The following SOWAHB variants were observed in gnomAD, a reference collection of about 807,000 sequenced individuals.
SOWAHB encodes ankyrin repeat domain-containing protein SOWAHB.
Under a neutral mutation model 18.3 loss-of-function variants are expected in SOWAHB, and 17 were observed. The ratio of observed to expected loss-of-function variants is 0.93; its 90% CI spans 0.64 to 1.40. The LOEUF (loss-of-function observed/expected upper bound fraction) is 1.40. Among genes scored for constraint, SOWAHB ranks in the 40% most tolerant of loss-of-function variants. The pLI is 0.00. For missense variants in SOWAHB, 1,126 were observed against 1,033.7 expected (o/e 1.09, Z -1.22); for synonymous variants, 496 against 448.1 (o/e 1.11, Z -1.35).
Position 76,895,512 on chromosome 4 carries a change from C to T in SOWAHB, c.2338G>A (p.Glu780Lys), listed in dbSNP as rs761250663. 6.2e-7 allele frequency: 1 copy of T among 1,613,372 alleles called. No individual in the cohort carries two copies. Among genetic ancestry groups the T allele is most frequent in the Admixed American group, 1.7e-5 (1 of 59,958 alleles). The change falls in exon 1 of 1, where the codon GAG (glutamate) becomes AAG (lysine). Residue 780 changes from glutamate (E) to lysine (K), a missense_variant. By Grantham distance (56) the Glu-to-Lys change is moderately conservative. Coordinates refer to ENST00000334306, the MANE Select transcript of SOWAHB (RefSeq NM_001029870.3). The part of the protein sequence containing the change: ...HNKWKLANQY[E>K]KFHSPREREE... ...CTTTCCCTTGGACTGTGGAATTTCT[C>T]ATACTGGTTGGCCAGTTTCCACTTG... is the stretch of plus-strand genomic sequence containing the variant.
In SOWAHB at chr4:76,895,665, TG is replaced by T. The variant is rs756151996; in HGVS notation, c.2184del (p.Lys729SerfsTer9). Reference sequence around the variant, plus strand: ...AAGGGATAGACAGGGAAAATGGGCTTGCCCCGAGGAGCTCCCAACAGCTGCC... The same window carrying T: ...AAGGGATAGACAGGGAAAATGGGCTTCCCCGAGGAGCTCCCAACAGCTGCC... ...EIWQLLGAPR[G>X]KPIFPVYPLV... On this transcript the variant is annotated frameshift_variant, in exon 1 of 1. Transcript: ENST00000334306. LOFTEE classifies it high-confidence loss of function. 1.2e-6 allele frequency: 2 copies of T among 1,614,170 alleles called. No homozygotes were observed. The highest frequency in any genetic ancestry group is 1.7e-6 in the Non-Finnish European group (2 of 1,180,022).
At position 76,896,896 on chromosome 4, in the gene SOWAHB, C is replaced by G. The variant is rs1719932367; in HGVS notation, c.954G>C (p.Glu318Asp). ...CGCGGATAGGGCCCTGATCACGGGC[C>G]TCGGGCACCTGCGGGTGCCTGGCCA... ...EWVARHPQVP[E>D]ARDQGPIRAW... Residue 318 changes from glutamate to aspartate, a missense_variant, in exon 1 of 1, where the codon GAG (glutamate) becomes GAC (aspartate). Transcript: ENST00000334306. 6.2e-7 allele frequency: 1 copy of G among 1,612,320 alleles called. No homozygotes were observed. Among genetic ancestry groups the G allele is most frequent in the Non-Finnish European group, 8.5e-7 (1 of 1,179,632 alleles).
rs1469097935 is a variant in SOWAHB at position 76,897,842 on chromosome 4, C to T, written c.8G>A (p.Arg3Gln). ...CAGTAGTGCCTCCTGGCTCAGCTCT[C>T]GGGCCATCGCTGCCTTGTCCTCCGC... Reference protein sequence around the residue: MARELSQEALLDF... With the variant: MAQELSQEALLDF... Residue 3 changes from arginine (R) to glutamine (Q), a missense_variant, in exon 1 of 1, where the codon CGA (arginine) becomes CAA (glutamine). Coordinates refer to ENST00000334306, the MANE Select transcript of SOWAHB (RefSeq NM_001029870.3). This position sits in a 1 kb window ranked among gnomAD's most constrained non-coding sequence, Gnocchi z 6.4. The T allele has an allele frequency of 1.9e-6, 3 of 1,597,116 alleles. No individual in the cohort carries two copies. Among genetic ancestry groups the T allele is most frequent in the African/African-American group, 2.7e-5 (2 of 74,896 alleles).
chr4:76,896,089 T>C lies in SOWAHB; in HGVS notation c.1761A>G (p.Lys587=). Residue 587 remains lysine (K), a synonymous_variant, in exon 1 of 1, where the codon AAA becomes AAG. Transcript: ENST00000334306. The part of the protein sequence containing the change: ...ALAPHRTSEH[K]SSLVPLDARE... The stretch of plus-strand genomic sequence containing the variant: ...TGGCATCTAGTGGAACCAGGGATGA[T>C]TTGTGCTCAGAAGTTCTGTGGGGGG... The C allele has an allele frequency of 6.3e-7, 1 of 1,589,048 alleles. No homozygotes were observed.
chr4:76,896,347 C>A lies in SOWAHB; in HGVS notation c.1503G>T (p.Leu501=). The A allele has an allele frequency of 6.2e-7, 1 of 1,602,042 alleles. No homozygotes were observed. The highest frequency in any genetic ancestry group is 1.1e-5 in the South Asian group (1 of 90,450). ...KLRRSLRRSS[L]AGRAKLSSSD... is the part of the protein sequence containing the mutation. ...AGGAGGACAATTTGGCTCTCCCTGC[C>A]AGAGAGCTCCTCCTGAGGGACCTCC... Residue 501 remains leucine, a synonymous_variant, in exon 1 of 1, where the codon CTG becomes CTT. Coordinates refer to ENST00000334306, the MANE Select transcript of SOWAHB (RefSeq NM_001029870.3).
chr4:76,894,515 C>T lies in SOWAHB; in HGVS notation c.*953G>A, dbSNP rs140240698. On this transcript the variant is annotated 3_prime_UTR_variant, in exon 1 of 1. Coordinates refer to ENST00000334306, the MANE Select transcript of SOWAHB (RefSeq NM_001029870.3). Reference sequence around the variant, plus strand: ...ATTATATTTAGCGGCTTAGATAGTCCTGGTAAGGATGCATTCTCTTAACCC... The same window carrying T: ...ATTATATTTAGCGGCTTAGATAGTCTTGGTAAGGATGCATTCTCTTAACCC... Among the ~76,000 whole-genome samples, 115 of 152,304 alleles carry T rather than the reference C, an allele frequency of 7.6e-4. No individual in the cohort carries two copies. Among genetic ancestry groups the T allele is most frequent in the African/African-American group, 2.7e-3 (113 of 41,566 alleles).
At position 76,896,277 on chromosome 4, in the gene SOWAHB, G is replaced by A. The variant is rs1719909869; in HGVS notation, c.1573C>T (p.Arg525Cys). The change falls in exon 1 of 1, where the codon CGC becomes TGC. Residue 525 changes from arginine to cysteine, a missense_variant. Arg to Cys is a radical substitution (Grantham distance 180). Coordinates refer to ENST00000334306, the MANE Select transcript of SOWAHB (RefSeq NM_001029870.3). ...LDEGLLKRSR[R>C]PPRSRKPSKA... Reference sequence around the variant, plus strand: ...GAGGGCTTCCTGGATCGAGGTGGGCGCCGACTTCTTTTCAGCAAGCCCTCA... The same window carrying A: ...GAGGGCTTCCTGGATCGAGGTGGGCACCGACTTCTTTTCAGCAAGCCCTCA... 1.9e-6 allele frequency: 3 copies of A among 1,607,530 alleles called. No homozygotes were observed. Among genetic ancestry groups the A allele is most frequent in the East Asian group, 2.2e-5 (1 of 44,670 alleles).
rs979218241 is a variant in SOWAHB at position 76,897,203 on chromosome 4, G to C, written c.647C>G (p.Pro216Arg). The C allele has an allele frequency of 5.1e-6, 8 of 1,581,776 alleles. No homozygotes were observed. The highest frequency in any genetic ancestry group is 1.1e-5 in the South Asian group (1 of 87,848). The change falls in exon 1 of 1, where the codon CCG becomes CGG. Residue 216 changes from proline to arginine, a missense_variant. Pro to Arg is a moderately radical substitution (Grantham distance 103). Transcript: ENST00000334306. The surrounding 1 kb of genome is among the most constrained non-coding windows in gnomAD (Gnocchi z 6.4). ...AVLPGELGAL[P>R]HSATAEEKPA... ...CTTCTCCTCCGCGGTGGCCGAGTGC[G>C]GGAGTGCGCCGAGCTCTCCCGGCAG...
chr4:76,897,683 T>A lies in SOWAHB; in HGVS notation c.167A>T (p.Asn56Ile). The change falls in exon 1 of 1, where the codon AAC becomes ATC. Residue 56 changes from asparagine to isoleucine, a missense_variant. Coordinates refer to ENST00000334306, the MANE Select transcript of SOWAHB (RefSeq NM_001029870.3). This position sits in a 1 kb window ranked among gnomAD's most constrained non-coding sequence, Gnocchi z 6.4. ...GTCCTGGCGCACTGCGGCGACCGAG[T>A]TGACGAAGCCCTTGAAGAGCTCGCG... ...HRRELFKGFV[N>I]SVAAVRQDPD... 1 of 1,612,078 alleles carries A rather than the reference T, an allele frequency of 6.2e-7. No individual in the cohort carries two copies. Among genetic ancestry groups the A allele is most frequent in the Non-Finnish European group, 8.5e-7 (1 of 1,179,860 alleles).
At position 76,896,081 on chromosome 4, in the gene SOWAHB, AGG is replaced by A; in HGVS notation, c.1767_1768del (p.Leu590GlyfsTer9). ...ATGCTCCCTGGCATCTAGTGGAACCAGGGATGATTTGTGCTCAGAAGTTCTGT... is the reference window on the plus strand; with the variant it reads ...ATGCTCCCTGGCATCTAGTGGAACCAGATGATTTGTGCTCAGAAGTTCTGT... On this transcript the variant is annotated frameshift_variant, in exon 1 of 1. Coordinates refer to ENST00000334306, the MANE Select transcript of SOWAHB (RefSeq NM_001029870.3). LOFTEE classifies it high-confidence loss of function. 1 of 1,593,062 alleles carries A rather than the reference AGG, an allele frequency of 6.3e-7. No individual in the cohort carries two copies.
Position 76,898,086 on chromosome 4 carries a change from CT to C in SOWAHB, c.-238del, listed in dbSNP as rs1719981128. The C allele has an allele frequency of 3.5e-5, 18 of 512,134 alleles. No homozygotes were observed. Among genetic ancestry groups the C allele is most frequent in the Non-Finnish European group, 5.1e-5 (15 of 293,934 alleles). 31.7% of individuals were successfully genotyped at this position (512,134 alleles called of 1,614,324 possible). ...CGGCAGTCTGCGTGAGAGAGGGCGG[CT>C]CCGAGGCCGCCCCTGCGCGACTCTA... On this transcript the variant is annotated 5_prime_UTR_variant, in exon 1 of 1. Coordinates refer to ENST00000334306, the MANE Select transcript of SOWAHB (RefSeq NM_001029870.3).
chr4:76,897,572 G>T lies in SOWAHB; in HGVS notation c.278C>A (p.Pro93His). The stretch of plus-strand genomic sequence containing the variant: ...TCCCCCTGCACTGGGGGCGGCCGCG[G>T]GCGGCTCGCGGGGTCGCTGCAGCCC... ...EEGLQRPREP[P>H]AAAPSAGGAA... Residue 93 changes from proline (P) to histidine (H), a missense_variant, in exon 1 of 1, where the codon CCC becomes CAC. Coordinates refer to ENST00000334306, the MANE Select transcript of SOWAHB (RefSeq NM_001029870.3). The surrounding 1 kb of genome is among the most constrained non-coding windows in gnomAD (Gnocchi z 6.4). 1 of 1,598,984 alleles carries T rather than the reference G, an allele frequency of 6.3e-7. No individual in the cohort carries two copies.
At position 76,897,485 on chromosome 4, in the gene SOWAHB, C is replaced by A. The variant is rs1250281293; in HGVS notation, c.365G>T (p.Arg122Leu). The change falls in exon 1 of 1, where the codon CGG becomes CTG. Residue 122 changes from arginine to leucine, a missense_variant. Transcript: ENST00000334306. The surrounding 1 kb of genome is among the most constrained non-coding windows in gnomAD (Gnocchi z 6.4). ...RGEPPQQQPR[R>L]RRREKEPEEE... ...CTCCGGCTCCTTCTCGCGCCGCCGCCGCCTGGGCTGCTGCTGGGGCGGCTC... is the reference window on the plus strand; with the variant it reads ...CTCCGGCTCCTTCTCGCGCCGCCGCAGCCTGGGCTGCTGCTGGGGCGGCTC... The A allele has an allele frequency of 6.8e-7, 1 of 1,479,392 alleles. No individual in the cohort carries two copies. The allele number at this position is 1,479,392 out of a possible 1,614,324, so 91.6% of individuals were successfully genotyped here. A position where few individuals can be genotyped will look rare whatever the true frequency, so the allele number is the denominator to read the frequency against.
chr4:76,895,643 G>A lies in SOWAHB; in HGVS notation c.2207C>T (p.Pro736Leu). 3 of 1,614,194 alleles carry A rather than the reference G, an allele frequency of 1.9e-6. No individual in the cohort carries two copies. Among genetic ancestry groups the A allele is most frequent in the Non-Finnish European group, 2.5e-6 (3 of 1,180,028 alleles). The change falls in exon 1 of 1, where the codon CCC (proline) becomes CTC (leucine). Residue 736 changes from proline to leucine, a missense_variant. Transcript: ENST00000334306. ...GGTAGGGGAAGAACTTCCAACTAAGGGATAGACAGGGAAAATGGGCTTGCC... is the reference window on the plus strand; with the variant it reads ...GGTAGGGGAAGAACTTCCAACTAAGAGATAGACAGGGAAAATGGGCTTGCC... ...PRGKPIFPVY[P>L]LVGSSSPTRK... is the part of the protein sequence containing the mutation.
rs1560661800 is a variant in SOWAHB at position 76,896,486 on chromosome 4, G to C, written c.1364C>G (p.Pro455Arg). 6.2e-7 allele frequency: 1 copy of C among 1,612,968 alleles called. No homozygotes were observed. ...ATCCCCTCTGTTTCTGAGACCCTGA[G>C]GGCTCCGGCTGGGGCTGCCCTCCTT... ...SRKEGSPSRS[P>R]QGLRNRGDGH... The change falls in exon 1 of 1, where the codon CCT becomes CGT. Residue 455 changes from proline to arginine, a missense_variant. Transcript: ENST00000334306.
Position 76,897,104 on chromosome 4 carries a change from G to C in SOWAHB, c.746C>G (p.Pro249Arg). 6.5e-7 allele frequency: 1 copy of C among 1,537,582 alleles called. No homozygotes were observed. The highest frequency in any genetic ancestry group is 8.7e-7 in the Non-Finnish European group (1 of 1,147,724). Reference protein sequence around the residue: ...REREEGALAEPAPVPAVAHSP... With the variant: ...REREEGALAERAPVPAVAHSP... ...GTGAGCCACTGCAGGCACAGGCGCC[G>C]GCTCAGCTAGCGCGCCTTCTTCCCG... is the stretch of plus-strand genomic sequence containing the variant. The change falls in exon 1 of 1, where the codon CCG (proline) becomes CGG (arginine). Residue 249 changes from proline to arginine, a missense_variant. By Grantham distance (103) the Pro-to-Arg change is moderately radical. Transcript: ENST00000334306. The surrounding 1 kb of genome is among the most constrained non-coding windows in gnomAD (Gnocchi z 6.4).
rs1361637275 is a variant in SOWAHB, at chr4:76,897,993, C to T, written c.-144G>A. ...CCATCAGCCGCGGAGGCCAGCGCTG[C>T]CCGCAGCCCGTGAGCGCGCCAGGAG... is the stretch of plus-strand genomic sequence containing the variant. On this transcript the variant is annotated 5_prime_UTR_variant, in exon 1 of 1. Transcript: ENST00000334306. This position sits in a 1 kb window ranked among gnomAD's most constrained non-coding sequence, Gnocchi z 6.4. 1 of 879,582 alleles carries T rather than the reference C, an allele frequency of 1.1e-6. No individual in the cohort carries two copies. The highest frequency in any genetic ancestry group is 2.8e-5 in the East Asian group (1 of 36,254). 54.5% of individuals were successfully genotyped at this position (879,582 alleles called of 1,614,324 possible). A position where few individuals can be genotyped will look rare whatever the true frequency, so the allele number is the denominator to read the frequency against.
In SOWAHB at chr4:76,895,220, C is replaced by A; in HGVS notation, c.*248G>T. On this transcript the variant is annotated 3_prime_UTR_variant, in exon 1 of 1. Transcript: ENST00000334306. Reference sequence around the variant, plus strand: ...TGGTGGCAAGGGAAGAGGAAGAATGCCTCCTAGATATCAAGCACCTGGCCC... The same window carrying A: ...TGGTGGCAAGGGAAGAGGAAGAATGACTCCTAGATATCAAGCACCTGGCCC... 2.4e-6 allele frequency: 1 copy of A among 410,640 alleles called. No individual in the cohort carries two copies. Among genetic ancestry groups the A allele is most frequent in the Non-Finnish European group, 4.3e-6 (1 of 231,634 alleles). 25.4% of individuals were successfully genotyped at this position (410,640 alleles called of 1,614,324 possible).
chr4:76,896,890 A>G lies in SOWAHB; in HGVS notation c.960T>C (p.Arg320=), dbSNP rs745826753. The change falls in exon 1 of 1, where the codon CGT becomes CGC. Residue 320 remains arginine, a synonymous_variant. Coordinates refer to ENST00000334306, the MANE Select transcript of SOWAHB (RefSeq NM_001029870.3). ...ACCAGGCGCGGATAGGGCCCTGATC[A>G]CGGGCCTCGGGCACCTGCGGGTGCC... is the stretch of plus-strand genomic sequence containing the variant. ...VARHPQVPEA[R]DQGPIRAWSV... is the part of the protein sequence containing the mutation. 5 of 1,612,678 alleles carry G rather than the reference A, an allele frequency of 3.1e-6. No individual in the cohort carries two copies. Among genetic ancestry groups the G allele is most frequent in the Non-Finnish European group, 2.5e-6 (3 of 1,179,796 alleles).
Sources: allele counts gnomAD v4.1 joint callset (sites outside exome capture counted in the v4.1 genomes callset), GRCh38; gene constraint gnomAD v4.1.1; non-coding constraint Gnocchi (gnomAD v3.1); transcripts MANE v1.5; gene names NCBI Gene and HGNC (gene_info 2026-07-23, HGNC 2026-07-21).